The following ANKRD44 variants were observed in gnomAD, a reference collection of about 807,000 sequenced individuals.
ANKRD44 encodes ankyrin repeat domain 44, also known as serine/threonine-protein phosphatase 6 regulatory ankyrin repeat subunit B.
Under a neutral mutation model 116.0 loss-of-function variants are expected in ANKRD44, and 35 were observed. That is an observed-to-expected ratio of 0.30 (90% CI 0.23 to 0.40). The LOEUF (loss-of-function observed/expected upper bound fraction) is 0.40. Ranked by LOEUF, ANKRD44 falls within the 10% of genes least tolerant of loss-of-function variation. The pLI is 1.00. For missense variants in ANKRD44, 1,014 were observed against 1,242.6 expected (o/e 0.82, Z 2.77); for synonymous variants, 435 against 461.8 (o/e 0.94, Z 0.74).
intron 18 of ANKRD44, among the ~76,000 whole-genome samples, chr2:197,009,963 C>G (rs2076268252): frequency 6.6e-6 from 1 of 152,012 alleles, no homozygotes; most frequent in Non-Finnish European, 1.5e-5. Flanking sequence ...TATAATCATA[C>G]TGTATCTACC....
At chr2:197,259,343 A>C (rs1395812827) in intron 1 of ANKRD44, among the ~76,000 whole-genome samples, 1 of 152,176 alleles carries the variant, frequency 6.6e-6, no homozygotes, top group Non-Finnish European at 1.5e-5. Flanking sequence ...AGAACACAAC[A>C]TAGCAACAGA....
intron 21 of ANKRD44, among the ~76,000 whole-genome samples, chr2:196,969,151 A>C (rs754115356): frequency 3.9e-5 from 6 of 152,246 alleles, no homozygotes; most frequent in Non-Finnish European, 7.3e-5. Flanking sequence ...CACATGGCTT[A>C]GTCTCTTTGT....
At chr2:197,268,700 GA>G (rs2082805578) in intron 1 of ANKRD44, among the ~76,000 whole-genome samples, 1 of 152,136 alleles carries the variant, frequency 6.6e-6, no homozygotes, top group South Asian at 2.1e-4. Flanking sequence ...ATGGGATAAG[GA>G]GGGGGTCTGT....
chr2:197,034,828 A>T (rs2076779191), intron 16 of ANKRD44, among the ~76,000 whole-genome samples: 1 of 152,096 alleles, frequency 6.6e-6, no homozygotes. Context: ...TGAAGAGAAT[A>T]TGGAGAGAAA....
Position 197,088,565 on chromosome 2 carries a change from G to A in ANKRD44, c.1247+146C>T, listed in dbSNP as rs1465282211. On this transcript the variant is annotated intron_variant, in intron 12 of 27. Transcript: ENST00000282272. ...GGTGAAACAAAATGCTTGTGATGTGGAAATATAACATAGTGATATTTGATA... is the reference window on the plus strand; with the variant it reads ...GGTGAAACAAAATGCTTGTGATGTGAAAATATAACATAGTGATATTTGATA... 10 of 502,902 alleles carry A rather than the reference G, an allele frequency of 2.0e-5. No homozygotes were observed. In the East Asian group the frequency reaches 3.3e-4, roughly 17 times the overall value. The allele number at this position is 502,902 out of a possible 1,614,324, so 31.2% of individuals were successfully genotyped here. A position where few individuals can be genotyped will look rare whatever the true frequency, so the allele number is the denominator to read the frequency against.
chr2:197,202,424 AG>A (rs1255101849), intron 1 of ANKRD44, among the ~76,000 whole-genome samples: 7 of 152,030 alleles, frequency 4.6e-5, no homozygotes, highest in African/African-American at 1.2e-4. Flanking sequence ...AAACCCAATA[AG>A]GGGTGGTCTA....
chr2:197,142,382 G>A (rs186508635), intron 3 of ANKRD44, among the ~76,000 whole-genome samples: 5 of 152,252 alleles, frequency 3.3e-5, no homozygotes, highest in Admixed American at 3.3e-4. Context: ...GCTTTTAATT[G>A]TTGAAGTAAA....
At chr2:197,295,894 T>C (rs944612316) in intron 1 of ANKRD44, among the ~76,000 whole-genome samples, 2 of 151,854 alleles carry the variant, frequency 1.3e-5, no homozygotes, top group Non-Finnish European at 2.9e-5. Context: ...ACCCTGTCCC[T>C]ACAAAAAGTG....
intron 16 of ANKRD44, among the ~76,000 whole-genome samples, chr2:197,071,282 G>C (rs2077553409): frequency 6.6e-6 from 1 of 152,130 alleles, no homozygotes; most frequent in Non-Finnish European, 1.5e-5. Context: ...TGAGGTAGAA[G>C]CTTAGATTAC....
intron 21 of ANKRD44, among the ~76,000 whole-genome samples, chr2:196,970,177 C>T (rs1474287873): frequency 6.6e-6 from 1 of 152,192 alleles, no homozygotes; most frequent in Non-Finnish European, 1.5e-5. Context: ...TTAACCTCTT[C>T]TGTCTGGAAG....
At chr2:196,993,511 C>A (rs894266760) in intron 27 of ANKRD44, 72 bp downstream of exon 27, 6 of 1,265,142 alleles carry the variant, frequency 4.7e-6, no homozygotes, top group Non-Finnish European at 6.7e-6. Context: ...TAGCTCCTAT[C>A]TTTCTCATTT....
intron 1 of ANKRD44, among the ~76,000 whole-genome samples, chr2:197,229,981 C>T (rs1389647057): frequency 6.6e-6 from 1 of 152,042 alleles, no homozygotes; most frequent in African/African-American, 2.4e-5. Flanking sequence ...AATCACAACG[C>T]ACCCAGATCA....
At chr2:197,117,631 A>T (rs2078744904) in intron 8 of ANKRD44, among the ~76,000 whole-genome samples, 1 of 151,898 alleles carries the variant, frequency 6.6e-6, no homozygotes, top group Non-Finnish European at 1.5e-5. Flanking sequence ...CGGCCTCCCA[A>T]AGTGCTGGAT....
At chr2:197,125,514 T>TGAG in intron 5 of ANKRD44, 46 bp from the exon 6 acceptor site, 1 of 1,535,828 alleles carries the variant, frequency 6.5e-7, no homozygotes, top group Non-Finnish European at 9.0e-7. Context: ...TCTGTAATGG[T>TGAG]GAGGCCTCCT....
At chr2:197,028,203 T>C (rs1331662811) in intron 16 of ANKRD44, among the ~76,000 whole-genome samples, 3 of 152,096 alleles carry the variant, frequency 2.0e-5, no homozygotes, top group Non-Finnish European at 4.4e-5. Flanking sequence ...TTCCCCTTTA[T>C]CTTACTTTGA....
intron 6 of ANKRD44, 145 bp downstream of exon 6, chr2:197,125,236 A>G: frequency 1.4e-6 from 1 of 716,458 alleles, no homozygotes; most frequent in East Asian, 2.7e-5. Context: ...TATGCATGCC[A>G]GTAAAACCAA....
chr2:197,102,829 G>T (rs1463734734), intron 9 of ANKRD44, among the ~76,000 whole-genome samples: 1 of 152,146 alleles, frequency 6.6e-6, no homozygotes, highest in Non-Finnish European at 1.5e-5. Context: ...CTTTTAAAAT[G>T]AGTAAGCTCT....
At chr2:197,092,597 G>A (rs2078066767) in intron 10 of ANKRD44, among the ~76,000 whole-genome samples, 1 of 152,092 alleles carries the variant, frequency 6.6e-6, no homozygotes, top group Non-Finnish European at 1.5e-5. Context: ...CCTATATGGA[G>A]ATTCCAGCCC....
chr2:196,989,763 T>G lies in ANKRD44; in HGVS notation c.2924-114A>C, dbSNP rs888060711. 1.8e-5 allele frequency: 27 copies of G among 1,500,030 alleles called. No individual in the cohort carries two copies. In the African/African-American group the frequency reaches 3.6e-4, roughly 20 times the overall value. 92.9% of individuals were successfully genotyped at this position (1,500,030 alleles called of 1,614,324 possible). ...TTCTACTTTCTGCTTTCACTTTTTT[T>G]GTTCCTTTTTGCAGTCACACTTTTC... On this transcript the variant is annotated intron_variant, in intron 27 of 27. Coordinates refer to ENST00000282272, the MANE Select transcript of ANKRD44 (RefSeq NM_001195144.2).
Sources: gnomAD v4.1 joint callset for allele counts (sites outside exome capture counted in the v4.1 genomes callset) on GRCh38, gnomAD v4.1.1 for gene constraint, MANE v1.5 for transcripts, NCBI Gene and HGNC (gene_info 2026-07-23, HGNC 2026-07-21) for gene names.